The following SEMA6D variants were observed in gnomAD, a reference collection of about 807,000 sequenced individuals.
The protein encoded by SEMA6D is semaphorin-6D.
A neutral mutation model predicts 106.6 loss-of-function variants in SEMA6D; 35 were observed. The ratio of observed to expected loss-of-function variants is 0.33; its 90% CI spans 0.25 to 0.44. The LOEUF is 0.44. Among genes scored for constraint, SEMA6D ranks in the 20% least tolerant of loss-of-function variants. The pLI is 1.00. For missense variants in SEMA6D, 1,185 were observed against 1,345.9 expected, an observed-to-expected ratio of 0.88 and a Z score of 1.87; for synonymous variants, 499 against 487.7, an observed-to-expected ratio of 1.02 and a Z score of -0.31.
At chr15:47,519,142 A>C (rs2044487946) in intron 3 of SEMA6D, among the ~76,000 whole-genome samples, 1 of 152,228 alleles carries the variant, frequency 6.6e-6, no homozygotes, top group Non-Finnish European at 1.5e-5. Context: ...AAATTAAATA[A>C]AAATAAAATG....
At chr15:47,490,873 TAGTC>T (rs1444912686) in intron 3 of SEMA6D, among the ~76,000 whole-genome samples, 17 of 152,320 alleles carry the variant, frequency 1.1e-4, no homozygotes, top group Non-Finnish European at 1.9e-4. Context: ...ATCTAATTAA[TAGTC>T]AGAGAAATGC....
chr15:47,186,357 G>A (rs1357138984), intron 1 of SEMA6D, among the ~76,000 whole-genome samples: 2 of 152,110 alleles, frequency 1.3e-5, no homozygotes, highest in Non-Finnish European at 2.9e-5. Flanking sequence ...TTATTCCAAG[G>A]AGAGAAGAGA....
intron 4 of SEMA6D, among the ~76,000 whole-genome samples, chr15:47,689,006 T>C (rs750495328): frequency 6.6e-6 from 1 of 152,154 alleles, no homozygotes; most frequent in African/African-American, 2.4e-5. Flanking sequence ...TTTGAATCAT[T>C]ACAAATATAA....
intron 3 of SEMA6D, among the ~76,000 whole-genome samples, chr15:47,555,949 CTCA>C (rs1281168972): frequency 6.6e-6 from 1 of 152,104 alleles, no homozygotes; most frequent in African/African-American, 2.4e-5. Context: ...GCTGGGGGTA[CTCA>C]TCATCCCTGT....
chr15:47,752,457 A>T (rs1384884141), intron 1 of SEMA6D, among the ~76,000 whole-genome samples: 1 of 152,154 alleles, frequency 6.6e-6, no homozygotes, highest in African/African-American at 2.4e-5. Flanking sequence ...AGGTGAGGAA[A>T]TTATAGCAGT....
intron 3 of SEMA6D, among the ~76,000 whole-genome samples, chr15:47,522,536 G>A (rs1337870437): frequency 4.6e-5 from 7 of 152,156 alleles, no homozygotes; most frequent in African/African-American, 1.7e-4. Context: ...TTAAAAGGCA[G>A]GTAAGTAAGC....
At chr15:47,682,064 AG>A (rs1380929308) in intron 4 of SEMA6D, among the ~76,000 whole-genome samples, 1 of 152,194 alleles carries the variant, frequency 6.6e-6, no homozygotes, top group Non-Finnish European at 1.5e-5. Flanking sequence ...GGCAGGATTT[AG>A]GGGATGTATG....
At chr15:47,476,623 G>A (rs2043007893) in intron 3 of SEMA6D, among the ~76,000 whole-genome samples, 1 of 151,996 alleles carries the variant, frequency 6.6e-6, no homozygotes, top group Non-Finnish European at 1.5e-5. Context: ...AAATTGTTTA[G>A]AGACAAACAC....
At chr15:47,343,402 C>A (rs2144566452) in intron 1 of SEMA6D, among the ~76,000 whole-genome samples, 1 of 151,814 alleles carries the variant, frequency 6.6e-6, no homozygotes, top group South Asian at 2.1e-4. Flanking sequence ...GCTATCCCTC[C>A]CCACTCCCCC....
chr15:47,506,599 A>AACACACACACACACACAC (rs61155774), intron 3 of SEMA6D, among the ~76,000 whole-genome samples: 20 of 137,796 alleles, frequency 1.5e-4, no homozygotes, highest in African/African-American at 5.3e-4. Flanking sequence ...CACACACACA[A>AACACACACACACACACAC]ACACACACAC....
chr15:47,547,949 A>T (rs1012587275), intron 3 of SEMA6D, among the ~76,000 whole-genome samples: 8 of 152,182 alleles, frequency 5.3e-5, no homozygotes, highest in Admixed American at 5.2e-4. Flanking sequence ...AATATTCTAG[A>T]ATTTCCCACC....
At chr15:47,566,629 C>A (rs764998785) in intron 3 of SEMA6D, among the ~76,000 whole-genome samples, 3 of 152,168 alleles carry the variant, frequency 2.0e-5, no homozygotes, top group Non-Finnish European at 4.4e-5. Flanking sequence ...ATTAGAAACA[C>A]CTTAGAGATT....
chr15:47,333,449 G>A (rs1291259356), intron 1 of SEMA6D, among the ~76,000 whole-genome samples: 1 of 152,016 alleles, frequency 6.6e-6, no homozygotes, highest in East Asian at 1.9e-4. Context: ...CAGATCAAAA[G>A]GCCATACAAA....
chr15:47,283,326 C>T (rs931533454), intron 1 of SEMA6D, among the ~76,000 whole-genome samples: 2 of 152,106 alleles, frequency 1.3e-5, no homozygotes, highest in African/African-American at 4.8e-5. Flanking sequence ...TATCCTGAAT[C>T]ATTAAATTTA....
At chr15:47,191,854 TA>T (rs1284647322) in intron 1 of SEMA6D, among the ~76,000 whole-genome samples, 1 of 152,114 alleles carries the variant, frequency 6.6e-6, no homozygotes, top group Non-Finnish European at 1.5e-5. Flanking sequence ...TAGTCTCTGT[TA>T]TAGAGTTGCT....
intron 1 of SEMA6D, among the ~76,000 whole-genome samples, chr15:47,269,340 G>A (rs548690752): frequency 6.7e-6 from 1 of 149,870 alleles, no homozygotes; most frequent in South Asian, 2.1e-4. Context: ...TTCTTATTTA[G>A]AATTTAAATA....
At chr15:47,563,032 C>T (rs995062904) in intron 3 of SEMA6D, among the ~76,000 whole-genome samples, 1 of 152,134 alleles carries the variant, frequency 6.6e-6, no homozygotes, top group African/African-American at 2.4e-5. Flanking sequence ...ATGCTACAAA[C>T]CTAGTGAACC....
chr15:47,518,773 A>G (rs1176965160), intron 3 of SEMA6D, among the ~76,000 whole-genome samples: 3 of 152,152 alleles, frequency 2.0e-5, no homozygotes, highest in African/African-American at 7.2e-5. Context: ...CCACCTCCTT[A>G]TCTTGTCCCA....
chr15:47,393,821 T>G (rs1595894324), intron 1 of SEMA6D, among the ~76,000 whole-genome samples: 1 of 152,224 alleles, frequency 6.6e-6, no homozygotes, highest in South Asian at 2.1e-4. Context: ...AACAATGTTG[T>G]CATTGTTATT....
Sources: gnomAD v4.1 joint callset for allele counts (sites outside exome capture counted in the v4.1 genomes callset) on GRCh38, gnomAD v4.1.1 for gene constraint, MANE v1.5 for transcripts, NCBI Gene and HGNC (gene_info 2026-07-23, HGNC 2026-07-21) for gene names.